The following SLC22A2 variants were observed in gnomAD, a reference collection of about 807,000 sequenced individuals.
SLC22A2 encodes the protein solute carrier family 22 member 2.
A neutral mutation model predicts 60.5 loss-of-function variants in SLC22A2; 46 were observed. That is an observed-to-expected ratio of 0.76 (90% CI 0.60 to 0.97). SLC22A2 has a LOEUF of 0.97. SLC22A2 is among the 50% of genes least tolerant of loss of function. The pLI, the probability that SLC22A2 is intolerant of heterozygous loss-of-function variation, is 0.00. For synonymous variants in SLC22A2, 303 were observed against 267.0 expected (o/e 1.13, Z -1.31); for missense variants, 701 against 706.6 (o/e 0.99, Z 0.09).
At chr6:160,226,111 C>T (rs1473764600) in intron 9 of SLC22A2, among the ~76,000 whole-genome samples, 1 of 152,302 alleles carries the variant, frequency 6.6e-6, no homozygotes, top group African/African-American at 2.4e-5. Flanking sequence ...AGGCATTTTG[C>T]AGACCCTGCA....
chr6:160,218,175 G>C (rs1354196631), intron 10 of SLC22A2: 2 of 246,760 alleles, frequency 8.1e-6, no homozygotes, highest in Non-Finnish European at 1.6e-5. Flanking sequence ...AATCCAATCT[G>C]AGACGAGGGA....
At chr6:160,242,146 T>G in intron 8 of SLC22A2, 148 bp downstream of exon 8, 1 of 646,832 alleles carries the variant, frequency 1.5e-6, no homozygotes, top group Non-Finnish European at 2.8e-6. Context: ...AGAGGTGAAC[T>G]GCTGGGCCTG....
Position 160,242,375 on chromosome 6 carries a change from G to T in SLC22A2, c.1307C>A (p.Ser436Ter). Residue 436 changes from serine (S) to a stop codon, truncating the protein, a stop_gained, in exon 8 of 11, where the codon TCA becomes TAA. Coordinates refer to ENST00000366953, the MANE Select transcript of SLC22A2 (RefSeq NM_003058.4). LOFTEE classifies it high-confidence loss of function. Reference sequence around the variant, plus strand: ...TGTGATCCCCATTCTTCCCAAGCATGAGATAATAATTTTTAGCCATTGTAG... The same window carrying T: ...TGTGATCCCCATTCTTCCCAAGCATTAGATAATAATTTTTAGCCATTGTAG... ...GDLQWLKIII[S>*]CLGRMGITMA... The T allele has an allele frequency of 6.2e-7, 1 of 1,605,114 alleles. No individual in the cohort carries two copies. Among genetic ancestry groups the T allele is most frequent in the Non-Finnish European group, 8.5e-7 (1 of 1,171,758 alleles).
intron 3 of SLC22A2, among the ~76,000 whole-genome samples, chr6:160,250,310 C>T (rs926161759): frequency 1.3e-5 from 2 of 152,150 alleles, no homozygotes; most frequent in Non-Finnish European, 2.9e-5. Context: ...AAAAAAGTTA[C>T]ATAAGAATCT....
Position 160,250,553 on chromosome 6 carries a change from A to T in SLC22A2, c.668T>A (p.Ile223Asn). 3.1e-6 allele frequency: 5 copies of T among 1,614,050 alleles called. No individual in the cohort carries two copies. The highest frequency in any genetic ancestry group is 4.2e-6 in the Non-Finnish European group (5 of 1,179,948). The stretch of plus-strand genomic sequence containing the variant: ...GCAAGCACAAACATTCTTACTCAGG[A>T]TGTAGCCTATTAACCAGCCTGCTTT... ...VSKAGWLIGYILITEFVGRRY... is the reference protein window; with the variant it reads ...VSKAGWLIGYNLITEFVGRRY... The change falls in exon 3 of 11, where the codon ATC becomes AAC. Residue 223 changes from isoleucine (I) to asparagine (N), a missense_variant. Transcript: ENST00000366953.
chr6:160,257,447 CCTT>C (rs1783292692), intron 1 of SLC22A2, among the ~76,000 whole-genome samples: 2 of 152,040 alleles, frequency 1.3e-5, no homozygotes, highest in Admixed American at 6.5e-5. Context: ...TGGGGAAAAA[CCTT>C]CTCTGCTTGG....
At chr6:160,229,717 C>T (rs1342259535) in intron 9 of SLC22A2, among the ~76,000 whole-genome samples, 1 of 151,720 alleles carries the variant, frequency 6.6e-6, no homozygotes, top group Non-Finnish European at 1.5e-5. Context: ...TTATGGACAA[C>T]CTTCCACCTT....
At chr6:160,222,220 C>A (rs1035275885) in intron 10 of SLC22A2, among the ~76,000 whole-genome samples, 5 of 152,110 alleles carry the variant, frequency 3.3e-5, no homozygotes, top group African/African-American at 9.7e-5. Context: ...CCCTTAGGAA[C>A]CATAACAATT....
rs184434796 is a variant in SLC22A2 at position 160,254,256 on chromosome 6, C to T, written c.518+2358G>A. 3.8e-3 allele frequency among the ~76,000 whole-genome samples: 580 copies of T among 151,844 alleles called. 8 individuals carry two copies. Among genetic ancestry groups the T allele is most frequent in the South Asian group, 0.017 (83 of 4,790 alleles). On this transcript the variant is annotated intron_variant, in intron 2 of 10. Transcript: ENST00000366953. The stretch of plus-strand genomic sequence containing the variant: ...TTGCACCACTGCACTCTAGCCTGGG[C>T]GATAGAGTGAGACTCTGTCTCAAAA...
intron 9 of SLC22A2, among the ~76,000 whole-genome samples, chr6:160,232,954 C>A (rs959919867): frequency 6.6e-6 from 1 of 151,950 alleles, no homozygotes. Context: ...ATTTCGTAGT[C>A]TCTTCCATGT....
intron 5 of SLC22A2, 117 bp from the exon 6 acceptor site, chr6:160,245,662 G>T: frequency 2.1e-6 from 1 of 479,866 alleles, no homozygotes; most frequent in Non-Finnish European, 3.7e-6. Context: ...CCCAGCACTA[G>T]AGCAAGCACT....
intron 9 of SLC22A2, among the ~76,000 whole-genome samples, chr6:160,239,207 T>C (rs1782959865): frequency 1.3e-5 from 2 of 152,142 alleles, no homozygotes; most frequent in African/African-American, 2.4e-5. Flanking sequence ...CCAGATGCCA[T>C]GGTGATGTCC....
intron 10 of SLC22A2, 124 bp downstream of exon 10, chr6:160,224,581 T>G: frequency 2.1e-6 from 1 of 487,150 alleles, no homozygotes. Flanking sequence ...AAGTCTTTGA[T>G]TTAGTTTGAA....
At chr6:160,220,169 C>T (rs574361772) in intron 10 of SLC22A2, among the ~76,000 whole-genome samples, 1 of 152,284 alleles carries the variant, frequency 6.6e-6, no homozygotes, top group African/African-American at 2.4e-5. Context: ...GTTTTGTTAA[C>T]TAAGTTTATG....
At chr6:160,258,129 T>G in intron 1 of SLC22A2, 1 of 575,330 alleles carries the variant, frequency 1.7e-6, no homozygotes, top group Non-Finnish European at 3.0e-6. Flanking sequence ...AGAATCATTA[T>G]TGTCAGCATC....
chr6:160,224,787 C>A lies in SLC22A2; in HGVS notation c.1519G>T (p.Ala507Ser), dbSNP rs745853849. The A allele has an allele frequency of 9.4e-6, 15 of 1,597,078 alleles. No homozygotes were observed. Among genetic ancestry groups the A allele is most frequent in the Non-Finnish European group, 1.2e-5 (14 of 1,170,078 alleles). ...LMVFGVLGLV[A>S]GGLVLLLPET... ...GGAAGCAACAGCACCAGACCTCCAGCAACCAAGCCAAGCACGCCTGAAAGC... is the reference window on the plus strand; with the variant it reads ...GGAAGCAACAGCACCAGACCTCCAGAAACCAAGCCAAGCACGCCTGAAAGC... Residue 507 changes from alanine (A) to serine (S), a missense_variant, in exon 10 of 11, where the codon GCT (alanine) becomes TCT (serine). Physicochemically the swap from Ala to Ser is moderately conservative, Grantham distance 99. Coordinates refer to ENST00000366953, the MANE Select transcript of SLC22A2 (RefSeq NM_003058.4).
intron 9 of SLC22A2, among the ~76,000 whole-genome samples, chr6:160,236,055 A>T (rs571297775): frequency 6.6e-6 from 1 of 152,172 alleles, no homozygotes; most frequent in Non-Finnish European, 1.5e-5. Context: ...TTATTTGTCA[A>T]TTGTGTTTTT....
At chr6:160,245,295 G>T in intron 6 of SLC22A2, 144 bp downstream of exon 6, 1 of 513,450 alleles carries the variant, frequency 1.9e-6, no homozygotes. Flanking sequence ...AACACGATCA[G>T]GAAAACCTAC....
At chr6:160,218,954 A>ACAG (rs752201564) in intron 10 of SLC22A2, among the ~76,000 whole-genome samples, 306 of 5,554 alleles carry the variant, frequency 0.055, no homozygotes, top group South Asian at 0.11. Context: ...AATAGCAGCA[A>ACAG]CAGCAGCAGC....
Sources: allele counts gnomAD v4.1 joint callset (sites outside exome capture counted in the v4.1 genomes callset), GRCh38; gene constraint gnomAD v4.1.1; transcripts MANE v1.5; gene names NCBI Gene and HGNC (gene_info 2026-07-23, HGNC 2026-07-21).